The following ERBB4 variants were observed in gnomAD, a reference collection of about 807,000 sequenced individuals.
The protein encoded by ERBB4 is receptor tyrosine-protein kinase erbB-4.
A neutral mutation model predicts 158.0 loss-of-function variants in ERBB4; 42 were observed. That is an observed-to-expected ratio of 0.27 (90% CI 0.21 to 0.34). ERBB4 has a LOEUF of 0.34. Ranked by LOEUF, ERBB4 falls within the 10% of genes least tolerant of loss-of-function variation. ERBB4 has a pLI of 1.00. For synonymous variants in ERBB4, 583 were observed against 558.7 expected (o/e 1.04, Z -0.61); for missense variants, 1,333 against 1,624.1 (o/e 0.82, Z 3.08).
rs765810807 is a variant in ERBB4 at position 211,704,084 on chromosome 2, C to A, written c.1289+20G>T. ...CTCTTGAAATCTGTGAGCCCTGCAG[C>A]TTTAAACATATCCACTTACCTATAG... On this transcript the variant is annotated intron_variant, in intron 11 of 27. Transcript: ENST00000342788. 5.7e-6 allele frequency: 8 copies of A among 1,402,406 alleles called. No individual in the cohort carries two copies. Among genetic ancestry groups the A allele is most frequent in the Non-Finnish European group, 8.1e-6 (8 of 986,834 alleles). 86.9% of individuals were successfully genotyped at this position (1,402,406 alleles called of 1,614,324 possible). A position where few individuals can be genotyped will look rare whatever the true frequency, so the allele number is the denominator to read the frequency against.
At chr2:211,662,693 A>T (rs2071475036) in intron 15 of ERBB4, among the ~76,000 whole-genome samples, 1 of 152,198 alleles carries the variant, frequency 6.6e-6, no homozygotes. Context: ...TAAATAGATG[A>T]CCTATTTTAA....
chr2:212,388,876 CT>C (rs1387555980), intron 1 of ERBB4, among the ~76,000 whole-genome samples: 1 of 152,076 alleles, frequency 6.6e-6, no homozygotes, highest in Non-Finnish European at 1.5e-5. Flanking sequence ...TATTAGATGG[CT>C]GCTGGATTTC....
chr2:212,002,096 C>T (rs1034112889), intron 2 of ERBB4, among the ~76,000 whole-genome samples: 5 of 152,114 alleles, frequency 3.3e-5, no homozygotes, highest in African/African-American at 1.2e-4. Flanking sequence ...ATCAAGATGG[C>T]AGACTGAGCT....
chr2:211,915,396 T>C (rs938541483), intron 3 of ERBB4, among the ~76,000 whole-genome samples: 3 of 151,256 alleles, frequency 2.0e-5, no homozygotes, highest in Admixed American at 2.0e-4. Context: ...AATTTGTTTT[T>C]AAATAGCACA....
intron 20 of ERBB4, among the ~76,000 whole-genome samples, chr2:211,552,154 G>A (rs1442391752): frequency 6.6e-6 from 1 of 151,912 alleles, no homozygotes; most frequent in African/African-American, 2.4e-5. Flanking sequence ...GGTTTTATTA[G>A]CTCCAATTAG....
At chr2:211,744,568 A>C (rs1472424203) in intron 5 of ERBB4, among the ~76,000 whole-genome samples, 1 of 152,138 alleles carries the variant, frequency 6.6e-6, no homozygotes, top group African/African-American at 2.4e-5. Flanking sequence ...GATGTTTTCA[A>C]TCTGATCACC....
At chr2:211,515,910 A>ATTTTTTTT (rs1282959141) in intron 20 of ERBB4, among the ~76,000 whole-genome samples, 1 of 83,170 alleles carries the variant, frequency 1.2e-5, no homozygotes, top group African/African-American at 6.3e-5. Context: ...ATATATATAT[A>ATTTTTTTT]TATTTTTTTT....
chr2:211,533,018 C>T (rs2066543016), intron 20 of ERBB4, among the ~76,000 whole-genome samples: 1 of 80,208 alleles, frequency 1.2e-5, no homozygotes, highest in Non-Finnish European at 2.6e-5. Flanking sequence ...TTGACATTAA[C>T]ATATATTATA....
chr2:212,134,676 C>CTTTTTT (rs869141215), intron 1 of ERBB4, among the ~76,000 whole-genome samples: 63 of 69,054 alleles, frequency 9.1e-4, no homozygotes, highest in East Asian at 1.7e-3. Context: ...TAAACACTTT[C>CTTTTTT]TTTTTTTTTT....
intron 20 of ERBB4, among the ~76,000 whole-genome samples, chr2:211,541,097 G>T (rs917362956): frequency 2.6e-5 from 4 of 151,716 alleles, no homozygotes; most frequent in African/African-American, 9.7e-5. Context: ...TCCTTTTCGG[G>T]GGAAAAGGTA....
chr2:211,552,551 C>CA (rs202163402), intron 20 of ERBB4, among the ~76,000 whole-genome samples: 190 of 147,624 alleles, frequency 1.3e-3, no homozygotes, highest in African/African-American at 3.1e-3. Context: ...GGCAAAACAC[C>CA]AAAAAAAAAT....
chr2:211,628,537 T>C (rs192145884), intron 17 of ERBB4, among the ~76,000 whole-genome samples: 346 of 152,352 alleles, frequency 2.3e-3, no homozygotes, highest in African/African-American at 7.9e-3. Context: ...CCATGGTGTA[T>C]ATGTGCCACA....
intron 1 of ERBB4, among the ~76,000 whole-genome samples, chr2:212,238,565 T>A (rs943470009): frequency 4.6e-5 from 7 of 152,146 alleles, no homozygotes; most frequent in Admixed American, 4.6e-4. Flanking sequence ...AATTTCAAAC[T>A]TAAATAGTTT....
chr2:211,879,976 T>C (rs950811701), intron 3 of ERBB4, among the ~76,000 whole-genome samples: 10 of 150,560 alleles, frequency 6.6e-5, no homozygotes, highest in Non-Finnish European at 1.5e-4. Flanking sequence ...ATATTATTAA[T>C]ATATATTAAC....
At chr2:211,578,666 T>G (rs984261104) in intron 19 of ERBB4, among the ~76,000 whole-genome samples, 3 of 152,172 alleles carry the variant, frequency 2.0e-5, no homozygotes, top group African/African-American at 7.2e-5. Flanking sequence ...TACAGTCATC[T>G]GATTTTTTAA....
intron 12 of ERBB4, among the ~76,000 whole-genome samples, chr2:211,701,168 TAATAA>T (rs1052090253): frequency 9.3e-4 from 142 of 152,352 alleles, no homozygotes; most frequent in African/African-American, 3.0e-3. Flanking sequence ...ATAAATGCAT[TAATAA>T]AATAAACTTT....
At chr2:212,005,918 C>A (rs951297820) in intron 2 of ERBB4, among the ~76,000 whole-genome samples, 61 of 152,014 alleles carry the variant, frequency 4.0e-4, no homozygotes, top group Admixed American at 6.6e-4. Flanking sequence ...GTCCTCAATT[C>A]TACTTAAAAA....
intron 1 of ERBB4, among the ~76,000 whole-genome samples, chr2:212,306,803 T>TAC (rs2086828057): frequency 6.6e-6 from 1 of 151,342 alleles, no homozygotes; most frequent in African/African-American, 2.4e-5. Flanking sequence ...TATGAAGAGT[T>TAC]ACTTACAAAT....
At chr2:211,478,029 C>T (rs2064999171) in intron 20 of ERBB4, among the ~76,000 whole-genome samples, 1 of 152,106 alleles carries the variant, frequency 6.6e-6, no homozygotes, top group Non-Finnish European at 1.5e-5. Flanking sequence ...CACCACTTGG[C>T]TCATGAATTC....
Sources: allele counts gnomAD v4.1 joint callset (sites outside exome capture counted in the v4.1 genomes callset), GRCh38; gene constraint gnomAD v4.1.1; transcripts MANE v1.5; gene names NCBI Gene and HGNC (gene_info 2026-07-23, HGNC 2026-07-21).